CA5B: variants seen among roughly 807,000 people sequenced by gnomAD.
CA5B encodes the protein carbonic anhydrase 5B.
CA5B carries 15 observed loss-of-function variants against 23.1 expected under a neutral mutation model. The ratio of observed to expected loss-of-function variants is 0.65; its 90% CI spans 0.43 to 1.00. The LOEUF (loss-of-function observed/expected upper bound fraction) is 1.00, where lower values mean the gene tolerates loss of function less well. Among genes scored for constraint, CA5B ranks in the 50% least tolerant of loss-of-function variants. The pLI, the probability that CA5B is intolerant of heterozygous loss-of-function variation, is 0.00. For missense variants in CA5B, 236 were observed against 252.2 expected, an observed-to-expected ratio of 0.94 and a Z score of 0.43; for synonymous variants, 84 against 98.5, an observed-to-expected ratio of 0.85 and a Z score of 0.87.
chrX:15,748,771 G>A (rs1398504051), intron 1 of CA5B, among the ~76,000 whole-genome samples: 3 of 102,460 alleles, frequency 2.9e-5, no homozygotes, highest in Non-Finnish European at 5.9e-5. Flanking sequence ...AGGGATGGTC[G>A]GGCACAGTGG....
rs1289426300 is a variant in CA5B at position 15,786,724 on chromosome X, G to T, written c.*4060G>T. Reference sequence around the variant, plus strand: ...TATCCTTTAACTTGTAGATTAGAAAGCGACTAAAAACTCATAGGGGATTTA... The same window carrying T: ...TATCCTTTAACTTGTAGATTAGAAATCGACTAAAAACTCATAGGGGATTTA... On this transcript the variant is annotated 3_prime_UTR_variant, in exon 8 of 8. Coordinates refer to ENST00000318636, the MANE Select transcript of CA5B (RefSeq NM_007220.4). 9.0e-6 allele frequency: 1 copy of T among 111,385 alleles called. No homozygotes were observed. Among genetic ancestry groups the T allele is most frequent in the Non-Finnish European group, 1.9e-5 (1 of 53,123 alleles). 9.2% of individuals were successfully genotyped at this position (111,385 alleles called of 1,213,427 possible).
At chrX:15,742,904 C>T (rs1479983888) in intron 1 of CA5B, among the ~76,000 whole-genome samples, 1 of 111,935 alleles carries the variant, frequency 8.9e-6, no homozygotes, top group Admixed American at 9.5e-5. Context: ...TAGCCAGTAC[C>T]GATGCTCCTA....
intron 2 of CA5B, among the ~76,000 whole-genome samples, chrX:15,755,880 C>T (rs1931477978): frequency 8.9e-6 from 1 of 111,877 alleles, no homozygotes; most frequent in South Asian, 3.7e-4. Context: ...CTTTATTTAA[C>T]CAAATATATC....
At chrX:15,746,440 T>A (rs779366487) in intron 1 of CA5B, among the ~76,000 whole-genome samples, 1 of 111,378 alleles carries the variant, frequency 9.0e-6, no homozygotes, top group South Asian at 3.8e-4. Flanking sequence ...AGCATTAATC[T>A]TAACCATTTC....
At chrX:15,767,568 ATTT>A (rs1241162323) in intron 3 of CA5B, among the ~76,000 whole-genome samples, 1 of 108,121 alleles carries the variant, frequency 9.2e-6, no homozygotes, top group Non-Finnish European at 1.9e-5. Flanking sequence ...CGCTCGGCTA[ATTT>A]TTTTGTTTGT....
intron 3 of CA5B, among the ~76,000 whole-genome samples, chrX:15,771,803 G>A (rs1374629270): frequency 4.5e-5 from 5 of 110,111 alleles, no homozygotes; most frequent in African/African-American, 1.7e-4. Context: ...TTTGATATAT[G>A]TATGCATTGT....
chrX:15,764,293 A>G (rs1261100523), intron 2 of CA5B, among the ~76,000 whole-genome samples: 2 of 106,673 alleles, frequency 1.9e-5, no homozygotes, highest in African/African-American at 6.9e-5. Flanking sequence ...CCCAGGCTGG[A>G]GTGCAGTGGT....
chrX:15,758,209 A>T (rs1931532642), intron 2 of CA5B, among the ~76,000 whole-genome samples: 1 of 112,317 alleles, frequency 8.9e-6, no homozygotes, highest in Non-Finnish European at 1.9e-5. Context: ...ATTTATACAC[A>T]ACAGAAATTT....
chrX:15,749,729 C>T (rs1931318161), intron 1 of CA5B, among the ~76,000 whole-genome samples: 1 of 109,626 alleles, frequency 9.1e-6, no homozygotes, highest in Non-Finnish European at 1.9e-5. Context: ...TTCTAATATT[C>T]GCCAACCCTG....
At chrX:15,757,974 G>C (rs1004737136) in intron 2 of CA5B, among the ~76,000 whole-genome samples, 7 of 111,295 alleles carry the variant, frequency 6.3e-5, no homozygotes, top group Non-Finnish European at 1.1e-4. Context: ...TTGCTGAGTG[G>C]CAGAACTCAG....
At chrX:15,754,102 G>A (rs1434114383) in intron 2 of CA5B, among the ~76,000 whole-genome samples, 1 of 111,396 alleles carries the variant, frequency 9.0e-6, no homozygotes, top group Non-Finnish European at 1.9e-5. Context: ...CTAAAGGGAG[G>A]GTATATAATG....
chrX:15,746,066 GTCA>G, intron 1 of CA5B, among the ~76,000 whole-genome samples: 1 of 325 alleles, frequency 3.1e-3, no homozygotes, highest in East Asian at 0.17. Context: ...GTCTCGCTCT[GTCA>G]CTCTGTCACT....
rs190187403 is a variant in CA5B at position 15,777,431 on chromosome X, A to T, written c.774+562A>T. Among the ~76,000 whole-genome samples, 12 of 112,001 alleles carry T rather than the reference A, an allele frequency of 1.1e-4. No individual in the cohort carries two copies. In the East Asian group the frequency reaches 3.3e-3, roughly 31 times the overall value. ...AATAATATTTACTCATACTTGTTTT[A>T]TGGGATTTTTATTGATTATAAAGCA... is the stretch of plus-strand genomic sequence containing the variant. On this transcript the variant is annotated intron_variant, in intron 7 of 7. Transcript: ENST00000318636.
intron 7 of CA5B, among the ~76,000 whole-genome samples, chrX:15,781,022 A>G (rs1434310096): frequency 1.9e-5 from 2 of 106,263 alleles, no homozygotes; most frequent in African/African-American, 7.0e-5. Context: ...CTCGTTGCCC[A>G]GGTGAGAGTC....
intron 5 of CA5B, 42 bp from the exon 6 acceptor site, chrX:15,775,204 A>T: frequency 2.0e-6 from 2 of 992,627 alleles, no homozygotes; most frequent in African/African-American, 3.8e-5. Flanking sequence ...CTACAGTGAG[A>T]TGTCCATTGT....
In CA5B at chrX:15,745,906, A is replaced by T. The variant is rs184981250; in HGVS notation, c.-53-4065A>T. On this transcript the variant is annotated intron_variant, in intron 1 of 7. Transcript: ENST00000318636. ...AGCTTTTTGCATTTATATGATGGGT[A>T]GCATTTTAACAAAATCAATTTGAGT... Among the ~76,000 whole-genome samples, 400 of 111,773 alleles carry T rather than the reference A, an allele frequency of 3.6e-3. 3 individuals carry two copies. Among genetic ancestry groups the T allele is most frequent in the Middle Eastern group, 0.014 (3 of 215 alleles).
intron 1 of CA5B, among the ~76,000 whole-genome samples, chrX:15,747,823 C>T (rs1402670961): frequency 9.0e-6 from 1 of 111,149 alleles, no homozygotes; most frequent in Admixed American, 9.6e-5. Flanking sequence ...GGTTCGGTGT[C>T]TCACACGGAG....
chrX:15,741,229 G>A (rs1299537774), intron 1 of CA5B, among the ~76,000 whole-genome samples: 1 of 106,217 alleles, frequency 9.4e-6, no homozygotes, highest in Non-Finnish European at 1.9e-5. Flanking sequence ...CACCATGCAC[G>A]GCTAATTTTT....
chrX:15,759,480 C>T (rs6632725), intron 2 of CA5B, among the ~76,000 whole-genome samples: 28 of 111,384 alleles, frequency 2.5e-4, no homozygotes, highest in East Asian at 2.0e-3. Flanking sequence ...AGGACCTTGC[C>T]GGACACCCAG....
Sources: gnomAD v4.1 joint callset for allele counts (sites outside exome capture counted in the v4.1 genomes callset) on GRCh38, gnomAD v4.1.1 for gene constraint, MANE v1.5 for transcripts, NCBI Gene and HGNC (gene_info 2026-07-23, HGNC 2026-07-21) for gene names.